FMN1: variants seen among roughly 807,000 people sequenced by gnomAD.
The protein encoded by FMN1 is formin 1, also known as formin-1.
Under a neutral mutation model 132.4 loss-of-function variants are expected in FMN1, and 110 were observed. The ratio of observed to expected loss-of-function variants is 0.83; its 90% confidence interval spans 0.71 to 0.97. FMN1 has a LOEUF of 0.97. FMN1 is among the 50% of genes least tolerant of loss of function. The pLI is 0.00. For missense variants in FMN1, 1,792 were observed against 1,705.3 expected, an observed-to-expected ratio of 1.05 and a Z score of -0.90; for synonymous variants, 722 against 651.7, an observed-to-expected ratio of 1.11 and a Z score of -1.64.
chr15:33,093,119 G>A (rs890288154), intron 4 of FMN1, among the ~76,000 whole-genome samples: 3 of 152,182 alleles, frequency 2.0e-5, no homozygotes, highest in Non-Finnish European at 2.9e-5. Context: ...CTTTTAAGCT[G>A]TTTCCTCTAA....
chr15:32,951,945 C>G (rs1001782110), intron 9 of FMN1, among the ~76,000 whole-genome samples: 1 of 152,196 alleles, frequency 6.6e-6, no homozygotes, highest in Admixed American at 6.5e-5. Context: ...GAAACTGGAG[C>G]TCAGCCCTCT....
At chr15:33,094,459 A>G (rs758731967) in intron 4 of FMN1, among the ~76,000 whole-genome samples, 6 of 152,230 alleles carry the variant, frequency 3.9e-5, no homozygotes, top group East Asian at 1.9e-4. Flanking sequence ...AATAAAGCTT[A>G]TAAGAATTCA....
At chr15:32,857,641 C>T (rs1415879899) in intron 16 of FMN1, among the ~76,000 whole-genome samples, 1 of 152,196 alleles carries the variant, frequency 6.6e-6, no homozygotes, top group Non-Finnish European at 1.5e-5. Flanking sequence ...GTCAGTTCTT[C>T]ATGCTTCCCG....
chr15:32,992,044 T>G (rs1195774497), intron 7 of FMN1, among the ~76,000 whole-genome samples: 3 of 152,230 alleles, frequency 2.0e-5, no homozygotes, highest in Non-Finnish European at 4.4e-5. Flanking sequence ...CGTACTCACA[T>G]AAATTCAGAG....
intron 17 of FMN1, among the ~76,000 whole-genome samples, chr15:32,808,600 T>A (rs1311932714): frequency 3.3e-5 from 5 of 152,208 alleles, no homozygotes; most frequent in Non-Finnish European, 7.3e-5. Context: ...ATCACTTAAC[T>A]CCACTGAGCC....
chr15:33,045,217 G>A (rs896965375), intron 6 of FMN1, among the ~76,000 whole-genome samples: 1 of 152,218 alleles, frequency 6.6e-6, no homozygotes, highest in South Asian at 2.1e-4. Context: ...ACCTGGAGCT[G>A]CCCATCCCGC....
chr15:33,129,157 T>A (rs1963426713), intron 4 of FMN1, among the ~76,000 whole-genome samples: 1 of 152,182 alleles, frequency 6.6e-6, no homozygotes, highest in South Asian at 2.1e-4. Context: ...ATTTTAAAGC[T>A]CAATGTAACT....
At chr15:32,831,231 T>A (rs1202447762) in intron 17 of FMN1, among the ~76,000 whole-genome samples, 2 of 152,152 alleles carry the variant, frequency 1.3e-5, no homozygotes, top group Non-Finnish European at 2.9e-5. Context: ...TTTACTTTTT[T>A]TTTTTGAGAC....
chr15:32,960,039 T>G (rs938646265), intron 9 of FMN1, among the ~76,000 whole-genome samples: 1 of 152,238 alleles, frequency 6.6e-6, no homozygotes, highest in Non-Finnish European at 1.5e-5. Context: ...ACAAGTCTTC[T>G]GCTTCTATAG....
intron 9 of FMN1, among the ~76,000 whole-genome samples, chr15:32,945,841 C>T (rs2061497980): frequency 6.6e-6 from 1 of 152,130 alleles, no homozygotes; most frequent in South Asian, 2.1e-4. Context: ...GACAGAACTC[C>T]AAGGGAAACA....
Position 33,154,837 on chromosome 15 carries a change from C to T in FMN1, c.78G>A (p.Lys26=). 1.3e-6 allele frequency: 2 copies of T among 1,536,168 alleles called. No individual in the cohort carries two copies. Among genetic ancestry groups the T allele is most frequent in the South Asian group, 2.4e-5 (2 of 84,048 alleles). The change falls in exon 4 of 21, where the codon AAG becomes AAA. Residue 26 remains lysine (K), a synonymous_variant. Transcript: ENST00000616417. ...ELCYISFCLP[K]GEVRGFSYKG... ...TGTATGAAAATCCTCTGACTTCCCCCTTTGGAAGACAGAAGCTGATGTAGC... is the reference window on the plus strand; with the variant it reads ...TGTATGAAAATCCTCTGACTTCCCCTTTTGGAAGACAGAAGCTGATGTAGC...
At chr15:32,998,685 C>T (rs1596438224) in intron 7 of FMN1, among the ~76,000 whole-genome samples, 1 of 152,124 alleles carries the variant, frequency 6.6e-6, no homozygotes, top group African/African-American at 2.4e-5. Context: ...TAGCCCGTCA[C>T]CTAAAGTCAA....
In FMN1 at chr15:33,057,965, A is replaced by C. The variant is rs570560848; in HGVS notation, c.2161+6992T>G. Among the ~76,000 whole-genome samples the C allele has an allele frequency of 2.7e-5, 3 of 110,266 alleles. No individual in the cohort carries two copies. In the East Asian group the frequency reaches 7.8e-4, roughly 28 times the overall value. 72.3% of individuals were successfully genotyped at this position (110,266 alleles called of 152,430 possible). Reference sequence around the variant, plus strand: ...AAAGCAGACTGAGCGGAAGGAACTAAACTGCAAGTGAAAAGTATGATGGGG... The same window carrying C: ...AAAGCAGACTGAGCGGAAGGAACTACACTGCAAGTGAAAAGTATGATGGGG... On this transcript the variant is annotated intron_variant, in intron 6 of 20. Transcript: ENST00000616417.
At chr15:33,162,761 G>A (rs374065898) in intron 3 of FMN1, among the ~76,000 whole-genome samples, 1 of 152,180 alleles carries the variant, frequency 6.6e-6, no homozygotes. Flanking sequence ...CAGACAGGGA[G>A]TCAAGAATGA....
intron 4 of FMN1, among the ~76,000 whole-genome samples, chr15:33,105,243 G>A (rs1182324230): frequency 6.6e-6 from 1 of 152,052 alleles, no homozygotes; most frequent in African/African-American, 2.4e-5. Context: ...GGGAGCAGGG[G>A]TCATCCCTCA....
chr15:33,162,355 T>C (rs1964929693), intron 3 of FMN1, among the ~76,000 whole-genome samples: 1 of 150,942 alleles, frequency 6.6e-6, no homozygotes, highest in African/African-American at 2.4e-5. Flanking sequence ...AACGTAGGAA[T>C]AATAACAAAA....
At chr15:33,000,726 T>G (rs1308428153) in intron 7 of FMN1, among the ~76,000 whole-genome samples, 1 of 152,156 alleles carries the variant, frequency 6.6e-6, no homozygotes, top group African/African-American at 2.4e-5. Flanking sequence ...TCCCAAACAA[T>G]GGGTTTCTTG....
chr15:33,036,366 T>C (rs1308511113), intron 6 of FMN1, among the ~76,000 whole-genome samples: 1 of 152,230 alleles, frequency 6.6e-6, no homozygotes, highest in Non-Finnish European at 1.5e-5. Context: ...CCTTCACACA[T>C]AATTCCATGT....
At chr15:32,927,986 G>T (rs1404733011) in intron 9 of FMN1, among the ~76,000 whole-genome samples, 1 of 152,208 alleles carries the variant, frequency 6.6e-6, no homozygotes, top group Non-Finnish European at 1.5e-5. Context: ...TTGCTTGCTG[G>T]TTGAAAAGTA....
Sources: allele counts gnomAD v4.1 joint callset (sites outside exome capture counted in the v4.1 genomes callset), GRCh38; gene constraint gnomAD v4.1.1; transcripts MANE v1.5; gene names NCBI Gene and HGNC (gene_info 2026-07-23, HGNC 2026-07-21).